CEP112: variants seen among roughly 807,000 people sequenced by gnomAD.
CEP112 encodes centrosomal protein of 112 kDa.
In CEP112, 127 loss-of-function variants were observed where a neutral mutation model predicts 153.0. The ratio of observed to expected loss-of-function variants is 0.83; its 90% CI spans 0.72 to 0.96. The LOEUF is 0.96. Ranked by LOEUF, CEP112 falls within the 40% of genes least tolerant of loss-of-function variation. The probability of loss-of-function intolerance (pLI) is 0.00; values close to 1 mark genes in which losing one functional copy is unlikely to be tolerated. For synonymous variants in CEP112, 358 were observed against 374.4 expected (o/e 0.96, Z 0.51); for missense variants, 1,089 against 1,101.2 (o/e 0.99, Z 0.16).
chr17:65,677,337 T>A (rs1471746086), intron 24 of CEP112, among the ~76,000 whole-genome samples: 1 of 152,216 alleles, frequency 6.6e-6, no homozygotes, highest in African/African-American at 2.4e-5. Flanking sequence ...AAACAAACTT[T>A]GTACTTAATA....
At chr17:65,696,448 T>A (rs2048360712) in intron 23 of CEP112, among the ~76,000 whole-genome samples, 1 of 152,136 alleles carries the variant, frequency 6.6e-6, no homozygotes, top group Admixed American at 6.5e-5. Flanking sequence ...GATTGAATCA[T>A]ATGTAAGCAA....
intron 23 of CEP112, among the ~76,000 whole-genome samples, chr17:65,723,811 T>C (rs1216036721): frequency 3.9e-5 from 6 of 152,240 alleles, no homozygotes; most frequent in Non-Finnish European, 7.3e-5. Flanking sequence ...TTGTGGTACA[T>C]GTAAAATGTT....
chr17:65,766,698 C>T (rs552794937), intron 21 of CEP112, among the ~76,000 whole-genome samples: 162 of 120,880 alleles, frequency 1.3e-3, no homozygotes, highest in African/African-American at 5.4e-3. Flanking sequence ...AGCTATTGCA[C>T]GCAAATGGTA....
At chr17:65,849,493 C>T (rs149397632) in intron 21 of CEP112, among the ~76,000 whole-genome samples, 1 of 152,272 alleles carries the variant, frequency 6.6e-6, no homozygotes, top group Non-Finnish European at 1.5e-5. Flanking sequence ...GTTTCTAATA[C>T]TAATTTTTAA....
At chr17:65,650,741 A>AT (rs1567810660) in intron 24 of CEP112, among the ~76,000 whole-genome samples, 31 of 150,408 alleles carry the variant, frequency 2.1e-4, no homozygotes, top group African/African-American at 4.9e-4. Flanking sequence ...AAAAAAAAAA[A>AT]AAAAAAAAAA....
At chr17:66,174,375 T>C (rs572353950) in intron 4 of CEP112, among the ~76,000 whole-genome samples, 3 of 152,330 alleles carry the variant, frequency 2.0e-5, no homozygotes, top group Admixed American at 6.5e-5. Context: ...AGAAAGATTA[T>C]ACTGTTAACA....
At chr17:66,161,508 A>C (rs1046230007) in intron 4 of CEP112, among the ~76,000 whole-genome samples, 6 of 152,208 alleles carry the variant, frequency 3.9e-5, no homozygotes, top group Non-Finnish European at 8.8e-5. Context: ...AGCCATAAAA[A>C]AAAGGATGAG....
intron 18 of CEP112, among the ~76,000 whole-genome samples, chr17:65,952,087 C>T (rs11867270): frequency 0.52 from 79,257 of 151,360 alleles, 21,778 homozygotes; most frequent in East Asian, 0.95. Flanking sequence ...TCAAAGAACA[C>T]ACTTTGTATT....
intron 17 of CEP112, among the ~76,000 whole-genome samples, chr17:66,001,456 AAT>A (rs1178715577): frequency 1.3e-5 from 2 of 152,222 alleles, no homozygotes; most frequent in Non-Finnish European, 2.9e-5. Flanking sequence ...CTAACTGAAA[AAT>A]AGAAAGCTTG....
intron 9 of CEP112, 97 bp from the exon 10 acceptor site, chr17:66,066,974 A>C (rs536990766): frequency 1.3e-6 from 1 of 767,788 alleles, no homozygotes; most frequent in Admixed American, 4.1e-5. Context: ...ACATAAATAG[A>C]AAAAGTGATT....
At chr17:66,140,062 T>G (rs2070621270) in intron 4 of CEP112, among the ~76,000 whole-genome samples, 1 of 152,118 alleles carries the variant, frequency 6.6e-6, no homozygotes, top group South Asian at 2.1e-4. Context: ...CATGGCACAT[T>G]AAAAGAATCA....
rs1345280363 is a variant in CEP112, at chr17:66,191,582, T to A, written c.-9+415A>T. 2 of 152,818 alleles carry A rather than the reference T, an allele frequency of 1.3e-5. No homozygotes were observed. Among genetic ancestry groups the A allele is most frequent in the African/African-American group, 4.8e-5 (2 of 41,456 alleles). 9.5% of individuals were successfully genotyped at this position (152,818 alleles called of 1,614,324 possible). A position where few individuals can be genotyped will look rare whatever the true frequency, so the allele number is the denominator to read the frequency against. On this transcript the variant is annotated intron_variant, in intron 1 of 26. Transcript: ENST00000535342. The surrounding 1 kb of genome is among the most constrained non-coding windows in gnomAD (Gnocchi z 4.2). ...TCTGAGACTCTTTTCTGGGACGGAATTGAAAACTCCAGCGGTGCCGTTCCT... is the reference window on the plus strand; with the variant it reads ...TCTGAGACTCTTTTCTGGGACGGAAATGAAAACTCCAGCGGTGCCGTTCCT...
At chr17:66,179,007 T>C (rs2072606537) in intron 2 of CEP112, among the ~76,000 whole-genome samples, 6 of 152,190 alleles carry the variant, frequency 3.9e-5, no homozygotes, top group Admixed American at 3.9e-4. Context: ...CCTGTAAATG[T>C]ACGGATTTGT....
At chr17:66,174,969 A>T in intron 4 of CEP112, 75 bp downstream of exon 4, 2 of 1,043,806 alleles carry the variant, frequency 1.9e-6, no homozygotes, top group Non-Finnish European at 2.6e-6. Context: ...AAAAAGGAAA[A>T]ACAGAATGTA....
intron 20 of CEP112, among the ~76,000 whole-genome samples, chr17:65,854,604 T>A (rs1290781919): frequency 6.6e-6 from 1 of 152,226 alleles, no homozygotes; most frequent in East Asian, 1.9e-4. Flanking sequence ...AAGAAAAGCT[T>A]ACTTGAACTA....
intron 4 of CEP112, among the ~76,000 whole-genome samples, chr17:66,134,321 C>T (rs1009411331): frequency 1.3e-5 from 2 of 152,078 alleles, no homozygotes; most frequent in African/African-American, 2.4e-5. Context: ...TTTACCCTCA[C>T]GATAAATTTT....
chr17:65,896,351 A>G (rs545864425), intron 20 of CEP112, among the ~76,000 whole-genome samples: 19 of 152,188 alleles, frequency 1.2e-4, no homozygotes, highest in African/African-American at 4.1e-4. Flanking sequence ...TAGTTTAATC[A>G]CAGGTATATA....
chr17:66,177,720 C>A (rs2072546933), intron 2 of CEP112, among the ~76,000 whole-genome samples: 1 of 152,088 alleles, frequency 6.6e-6, no homozygotes, highest in Non-Finnish European at 1.5e-5. Context: ...TCCTCCCCAC[C>A]CATCCTTCCC....
chr17:65,910,753 T>C (rs947383884), intron 19 of CEP112, among the ~76,000 whole-genome samples: 29 of 152,076 alleles, frequency 1.9e-4, no homozygotes, highest in Non-Finnish European at 3.2e-4. Context: ...AGAAAATCCA[T>C]GTAAACACAG....
Sources: allele counts gnomAD v4.1 joint callset (sites outside exome capture counted in the v4.1 genomes callset), GRCh38; gene constraint gnomAD v4.1.1; non-coding constraint Gnocchi (gnomAD v3.1); transcripts MANE v1.5; gene names NCBI Gene and HGNC (gene_info 2026-07-23, HGNC 2026-07-21).